OMA1: variants seen among roughly 807,000 people sequenced by gnomAD.
The protein encoded by OMA1 is metalloendopeptidase OMA1, mitochondrial.
A neutral mutation model predicts 30.9 loss-of-function variants in OMA1; 38 were observed. The ratio of observed to expected loss-of-function variants is 1.23; its 90% CI spans 0.95 to 1.61. OMA1 has a LOEUF of 1.61. OMA1 is among the 40% of genes most tolerant of loss of function. OMA1 has a pLI of 0.00. For missense variants in OMA1, 461 were observed against 349.2 expected (o/e 1.32, Z -2.55); for synonymous variants, 173 against 121.9 (o/e 1.42, Z -2.76).
Position 58,509,536 on chromosome 1 carries a change from TA to T in OMA1, c.1216-3328del, listed in dbSNP as rs59473637. ...GGTTTATAATGATAAACACCTACATTAAAAAAAAAAAGAAGAAAGCAAGCAA... is the reference window on the plus strand; with the variant it reads ...GGTTTATAATGATAAACACCTACATTAAAAAAAAAAGAAGAAAGCAAGCAA... On this transcript the variant is annotated intron_variant, in intron 7 of 8. Coordinates refer to ENST00000371226, the MANE Select transcript of OMA1 (RefSeq NM_145243.5). 2.5e-3 allele frequency among the ~76,000 whole-genome samples: 291 copies of T among 116,756 alleles called. 4 individuals carry two copies. In the East Asian group the frequency reaches 0.036, roughly 14 times the overall value. 76.6% of individuals were successfully genotyped at this position (116,756 alleles called of 152,430 possible).
intron 7 of OMA1, among the ~76,000 whole-genome samples, chr1:58,522,369 T>C (rs1646278387): frequency 6.6e-6 from 1 of 152,106 alleles, no homozygotes; most frequent in Admixed American, 6.5e-5. Context: ...TTAATATATA[T>C]ACATAATTTT....
intron 1 of OMA1, among the ~76,000 whole-genome samples, chr1:58,541,218 C>T (rs1414325155): frequency 2.4e-4 from 31 of 130,774 alleles, no homozygotes; most frequent in African/African-American, 1.2e-4. Context: ...CGCTTGAACC[C>T]GGGAGGCGGA....
intron 7 of OMA1, among the ~76,000 whole-genome samples, chr1:58,506,672 TTC>T (rs1213408652): frequency 6.6e-6 from 1 of 152,180 alleles, no homozygotes; most frequent in Non-Finnish European, 1.5e-5. Context: ...AAATTAAAAA[TTC>T]TGTTTTCATA....
intron 5 of OMA1, among the ~76,000 whole-genome samples, chr1:58,531,719 T>C (rs977159951): frequency 8.1e-5 from 12 of 147,902 alleles, no homozygotes; most frequent in African/African-American, 3.1e-4. Flanking sequence ...GATTTATCTT[T>C]TTTTTTTTGA....
At chr1:58,521,578 A>G (rs1416401788) in intron 7 of OMA1, among the ~76,000 whole-genome samples, 1 of 152,150 alleles carries the variant, frequency 6.6e-6, no homozygotes, top group Non-Finnish European at 1.5e-5. Context: ...CAAAGGGGAC[A>G]TTTAAAAGAT....
chr1:58,501,193 T>C (rs952085035), intron 8 of OMA1, among the ~76,000 whole-genome samples: 9 of 152,338 alleles, frequency 5.9e-5, no homozygotes, highest in African/African-American at 2.2e-4. Flanking sequence ...ATCACAAGAT[T>C]ATATTTAGGC....
At chr1:58,534,847 G>A (rs531479774) in intron 3 of OMA1, among the ~76,000 whole-genome samples, 8 of 152,128 alleles carry the variant, frequency 5.3e-5, no homozygotes, top group African/African-American at 1.9e-4. Context: ...GAAGTGGGAG[G>A]ATCGCTTGAG....
At chr1:58,541,032 G>A (rs1272018824) in intron 1 of OMA1, among the ~76,000 whole-genome samples, 1 of 151,998 alleles carries the variant, frequency 6.6e-6, no homozygotes, top group Admixed American at 6.6e-5. Context: ...AAAAAAAGCT[G>A]GGCATGGTGG....
intron 3 of OMA1, among the ~76,000 whole-genome samples, chr1:58,535,870 G>A (rs1388774974): frequency 6.6e-6 from 1 of 151,780 alleles, no homozygotes; most frequent in East Asian, 1.9e-4. Flanking sequence ...TGATGTTTGG[G>A]AAAAAAATCT....
At chr1:58,499,314 C>CAAAA (rs58217798) in intron 8 of OMA1, among the ~76,000 whole-genome samples, 36 of 69,646 alleles carry the variant, frequency 5.2e-4, no homozygotes, top group African/African-American at 1.1e-3. Context: ...CACATCTCTA[C>CAAAA]AAAAAAAAAA....
chr1:58,534,219 G>C lies in OMA1; in HGVS notation c.842C>G (p.Ser281Cys). ...IECNKDVPGI[S>C]QINWVIHVVD... ...CACATGAATAACCCAATTGATCTGA[G>C]AGATCCCTGGAACATCTTTATTGCA... is the stretch of plus-strand genomic sequence containing the variant. Residue 281 changes from serine to cysteine, a missense_variant, in exon 4 of 9, where the codon TCT becomes TGT. Transcript: ENST00000371226. The C allele has an allele frequency of 1.1e-6, 1 of 871,810 alleles. No individual in the cohort carries two copies. Among genetic ancestry groups the C allele is most frequent in the Non-Finnish European group, 2.0e-6 (1 of 501,468 alleles). The allele number at this position is 871,810 out of a possible 1,614,324, so 54.0% of individuals were successfully genotyped here. A position where few individuals can be genotyped will look rare whatever the true frequency, so the allele number is the denominator to read the frequency against.
chr1:58,502,548 T>C (rs1645923128), intron 8 of OMA1, among the ~76,000 whole-genome samples: 2 of 152,230 alleles, frequency 1.3e-5, no homozygotes. Flanking sequence ...CTGCTAGAGA[T>C]GTCAAAGGAC....
chr1:58,506,312 G>C, intron 7 of OMA1, 103 bp from the exon 8 acceptor site: 1 of 641,150 alleles, frequency 1.6e-6, no homozygotes, highest in Admixed American at 2.8e-5. Flanking sequence ...TATACTTTAA[G>C]TTTTAGGGTA....
At chr1:58,520,676 A>G (rs1424683779) in intron 7 of OMA1, among the ~76,000 whole-genome samples, 1 of 152,166 alleles carries the variant, frequency 6.6e-6, no homozygotes, top group Non-Finnish European at 1.5e-5. Flanking sequence ...AACAATACTA[A>G]AAGGAAAAAG....
At chr1:58,492,551 CA>C (rs1234679090) in intron 8 of OMA1, among the ~76,000 whole-genome samples, 1 of 152,042 alleles carries the variant, frequency 6.6e-6, no homozygotes, top group South Asian at 2.1e-4. Context: ...AGAGAAGAAT[CA>C]AATAGACACA....
At chr1:58,513,815 A>T (rs1194021756) in intron 7 of OMA1, among the ~76,000 whole-genome samples, 1 of 152,174 alleles carries the variant, frequency 6.6e-6, no homozygotes, top group Non-Finnish European at 1.5e-5. Context: ...TACTGTTATG[A>T]CCCTCACTTT....
chr1:58,499,024 A>G (rs1167743838), intron 8 of OMA1, among the ~76,000 whole-genome samples: 1 of 152,148 alleles, frequency 6.6e-6, no homozygotes, highest in Non-Finnish European at 1.5e-5. Context: ...ACCTATAAAA[A>G]CATTTTATAA....
chr1:58,489,304 C>T (rs913134064), intron 8 of OMA1, among the ~76,000 whole-genome samples: 2 of 152,238 alleles, frequency 1.3e-5, no homozygotes, highest in Admixed American at 6.5e-5. Context: ...TATCCCACGC[C>T]TGGCTCAAAG....
At chr1:58,515,738 A>G (rs1646148611) in intron 7 of OMA1, among the ~76,000 whole-genome samples, 1 of 152,220 alleles carries the variant, frequency 6.6e-6, no homozygotes, top group African/African-American at 2.4e-5. Flanking sequence ...AGCTCAGAAT[A>G]CTAACCTGAA....
Sources: gnomAD v4.1 joint callset for allele counts (sites outside exome capture counted in the v4.1 genomes callset) on GRCh38, gnomAD v4.1.1 for gene constraint, MANE v1.5 for transcripts, NCBI Gene and HGNC (gene_info 2026-07-23, HGNC 2026-07-21) for gene names.